FOXJ3: variants seen among roughly 807,000 people sequenced by gnomAD.
The protein encoded by FOXJ3 is forkhead box J3, also known as forkhead box protein J3.
A neutral mutation model predicts 76.1 loss-of-function variants in FOXJ3; 22 were observed. That is an observed-to-expected ratio of 0.29 (90% confidence interval 0.21 to 0.41). FOXJ3 has a LOEUF of 0.41. Among genes scored for constraint, FOXJ3 ranks in the 10% least tolerant of loss-of-function variants. FOXJ3 has a pLI of 1.00. For synonymous variants in FOXJ3, 269 were observed against 261.2 expected, an observed-to-expected ratio of 1.03 and a Z score of -0.29; for missense variants, 613 against 762.1, an observed-to-expected ratio of 0.80 and a Z score of 2.30.
intron 5 of FOXJ3, among the ~76,000 whole-genome samples, chr1:42,208,630 C>T (rs972583168): frequency 6.6e-6 from 1 of 152,162 alleles, no homozygotes; most frequent in Non-Finnish European, 1.5e-5. Context: ...AGACCAGGAA[C>T]AAGACAATGA....
chr1:42,261,406 T>TG (rs1651029178), intron 4 of FOXJ3, among the ~76,000 whole-genome samples: 2 of 151,796 alleles, frequency 1.3e-5, no homozygotes, highest in South Asian at 4.2e-4. Context: ...TGTGTGTGTG[T>TG]TTTTTTTAAT....
At chr1:42,195,873 T>G (rs181372537) in intron 7 of FOXJ3, among the ~76,000 whole-genome samples, 24 of 152,368 alleles carry the variant, frequency 1.6e-4, no homozygotes, top group African/African-American at 5.8e-4. Context: ...CAAGGCTCCA[T>G]GGCAGGATGA....
chr1:42,197,344 A>C (rs1452935151), intron 7 of FOXJ3, among the ~76,000 whole-genome samples: 1 of 152,192 alleles, frequency 6.6e-6, no homozygotes, highest in Non-Finnish European at 1.5e-5. Flanking sequence ...GTGTCTAAAA[A>C]AAGAGAGAAA....
At chr1:42,308,872 T>C (rs1170496081) in intron 2 of FOXJ3, among the ~76,000 whole-genome samples, 1 of 152,034 alleles carries the variant, frequency 6.6e-6, no homozygotes, top group Non-Finnish European at 1.5e-5. Flanking sequence ...AGTATTCACA[T>C]ATAGAGATTT....
intron 1 of FOXJ3, among the ~76,000 whole-genome samples, chr1:42,332,448 T>C (rs965557361): frequency 1.3e-5 from 2 of 152,216 alleles, no homozygotes; most frequent in African/African-American, 2.4e-5. Flanking sequence ...ATACCTGTCA[T>C]ACAGTAAGTA....
chr1:42,309,844 C>T (rs1449687185), intron 2 of FOXJ3, among the ~76,000 whole-genome samples: 1 of 152,216 alleles, frequency 6.6e-6, no homozygotes, highest in Non-Finnish European at 1.5e-5. Flanking sequence ...AACATGGAAG[C>T]TTAAACCAGC....
chr1:42,261,257 C>A (rs1308566900), intron 4 of FOXJ3, among the ~76,000 whole-genome samples: 3 of 148,802 alleles, frequency 2.0e-5, no homozygotes, highest in Non-Finnish European at 3.0e-5. Context: ...AGAGAAGAGA[C>A]AAAAGACGGG....
At chr1:42,217,862 A>C (rs763196027) in intron 5 of FOXJ3, among the ~76,000 whole-genome samples, 9 of 152,232 alleles carry the variant, frequency 5.9e-5, no homozygotes, top group Non-Finnish European at 8.8e-5. Context: ...AGTTAACTGT[A>C]CAACTATCCC....
At chr1:42,241,173 T>A (rs1035059693) in intron 4 of FOXJ3, among the ~76,000 whole-genome samples, 2 of 152,022 alleles carry the variant, frequency 1.3e-5, no homozygotes, top group South Asian at 2.1e-4. Flanking sequence ...CACAGAAGAA[T>A]CCCTACGAGG....
At chr1:42,275,973 G>T (rs1427524218) in intron 3 of FOXJ3, among the ~76,000 whole-genome samples, 1 of 152,106 alleles carries the variant, frequency 6.6e-6, no homozygotes, top group African/African-American at 2.4e-5. Flanking sequence ...ATGAATAAAA[G>T]GGACTAAAGG....
At chr1:42,236,279 C>T (rs1240421620) in intron 4 of FOXJ3, among the ~76,000 whole-genome samples, 1 of 152,198 alleles carries the variant, frequency 6.6e-6, no homozygotes, top group Non-Finnish European at 1.5e-5. Flanking sequence ...CAACCTCAAA[C>T]TCCTGGGCTT....
At chr1:42,179,888 ACC>A (rs1646284145) in intron 12 of FOXJ3, 63 bp from the exon 13 acceptor site, 1 of 1,011,908 alleles carries the variant, frequency 9.9e-7, no homozygotes, top group African/African-American at 1.6e-5. Context: ...AAATAAACTA[ACC>A]CCTACTGTGT....
intron 1 of FOXJ3, among the ~76,000 whole-genome samples, chr1:42,311,650 A>AAGTAGTAGTAGTAGTAGTAGTAGTAGT (rs142219815): frequency 0.035 from 5,253 of 149,438 alleles, 128 homozygotes; most frequent in South Asian, 0.053. Flanking sequence ...TTTAAAAAAA[A>AAGTAGTAGTAGTAGTAGTAGTAGTAGT]AGTAGTAGTA....
chr1:42,214,356 C>T (rs1286854915), intron 5 of FOXJ3, among the ~76,000 whole-genome samples: 5 of 152,206 alleles, frequency 3.3e-5, no homozygotes, highest in African/African-American at 1.2e-4. Context: ...GCCAATAGAT[C>T]CAGGCATCCC....
At chr1:42,262,835 T>C (rs1651157353) in intron 4 of FOXJ3, among the ~76,000 whole-genome samples, 1 of 152,100 alleles carries the variant, frequency 6.6e-6, no homozygotes, top group African/African-American at 2.4e-5. Flanking sequence ...GGCAACAGAG[T>C]GAGACTCCGT....
intron 7 of FOXJ3, 143 bp downstream of exon 7, chr1:42,198,959 A>G (rs777666472): frequency 1.6e-6 from 1 of 630,830 alleles, no homozygotes. Context: ...AATCTCCTCT[A>G]ATTTTGATCT....
At position 42,191,667 on chromosome 1, in the gene FOXJ3, G is replaced by A; in HGVS notation, c.987C>T (p.Thr329=). ...ESSQQSHTSC[T]YQHSPSSTVS... ...CTGTACTGCTGGGAGAGTGCTGATA[G>A]GTACATGAAGTGTGGGACTGCTGGG... The change falls in exon 9 of 13, where the codon ACC becomes ACT. Residue 329 remains threonine (T), a synonymous_variant. Coordinates refer to ENST00000361346, the MANE Select transcript of FOXJ3 (RefSeq NM_014947.5). The A allele has an allele frequency of 6.2e-7, 1 of 1,614,114 alleles. No individual in the cohort carries two copies. The highest frequency in any genetic ancestry group is 1.1e-5 in the South Asian group (1 of 91,074).
At chr1:42,287,111 T>C (rs1301910744) in intron 2 of FOXJ3, among the ~76,000 whole-genome samples, 2 of 151,332 alleles carry the variant, frequency 1.3e-5, no homozygotes, top group Non-Finnish European at 3.0e-5. Flanking sequence ...GAGGCCAAAG[T>C]GGGCAGATCA....
chr1:42,312,759 T>C (rs1438139073), intron 1 of FOXJ3, among the ~76,000 whole-genome samples: 1 of 152,234 alleles, frequency 6.6e-6, no homozygotes, highest in Non-Finnish European at 1.5e-5. Flanking sequence ...TCCAAGACCT[T>C]GTGGGACACA....
Sources: gnomAD v4.1 joint callset for allele counts (sites outside exome capture counted in the v4.1 genomes callset) on GRCh38, gnomAD v4.1.1 for gene constraint, MANE v1.5 for transcripts, NCBI Gene and HGNC (gene_info 2026-07-23, HGNC 2026-07-21) for gene names.